DAPP1: variants seen among roughly 807,000 people sequenced by gnomAD.
DAPP1 encodes the protein dual adaptor of phosphotyrosine and 3-phosphoinositides 1, also known as dual adapter for phosphotyrosine and 3-phosphotyrosine and 3-phosphoinositide.
In DAPP1, 20 loss-of-function variants were observed where a neutral mutation model predicts 41.5. That is an observed-to-expected ratio of 0.48 (90% CI 0.34 to 0.70). The LOEUF (loss-of-function observed/expected upper bound fraction) is 0.70, where lower values mean the gene tolerates loss of function less well. DAPP1 is among the 30% of genes least tolerant of loss of function. The pLI is 0.01. For synonymous variants in DAPP1, 113 were observed against 116.2 expected, an observed-to-expected ratio of 0.97 and a Z score of 0.18; for missense variants, 233 against 333.4, an observed-to-expected ratio of 0.70 and a Z score of 2.35.
intron 4 of DAPP1, among the ~76,000 whole-genome samples, chr4:99,853,564 G>C (rs1723943156): frequency 6.6e-6 from 1 of 152,222 alleles, no homozygotes; most frequent in Non-Finnish European, 1.5e-5. Flanking sequence ...GTTCATGCCT[G>C]TAATCCCAAC....
chr4:99,858,108 C>T (rs1396268957), intron 4 of DAPP1, among the ~76,000 whole-genome samples: 1 of 152,154 alleles, frequency 6.6e-6, no homozygotes, highest in South Asian at 2.1e-4. Context: ...AGAAAATTAA[C>T]ATTGAGGCTG....
chr4:99,845,362 C>T lies in DAPP1; in HGVS notation c.358+4940C>T, dbSNP rs1404227746. On this transcript the variant is annotated intron_variant, in intron 3 of 8. Transcript: ENST00000512369. Reference sequence around the variant, plus strand: ...GGCCTTAAATGGATTTGGAAGAACTCAGAGCTGAGATTGGAATCTGGGCTA... The same window carrying T: ...GGCCTTAAATGGATTTGGAAGAACTTAGAGCTGAGATTGGAATCTGGGCTA... 2.0e-5 allele frequency among the ~76,000 whole-genome samples: 3 copies of T among 152,310 alleles called. No individual in the cohort carries two copies. In the East Asian group the frequency reaches 5.8e-4, roughly 29 times the overall value.
At chr4:99,841,516 T>C (rs768976705) in intron 3 of DAPP1, among the ~76,000 whole-genome samples, 2 of 152,224 alleles carry the variant, frequency 1.3e-5, no homozygotes, top group Non-Finnish European at 2.9e-5. Flanking sequence ...CCCTGAAAAT[T>C]ACTTCACCAT....
intron 1 of DAPP1, among the ~76,000 whole-genome samples, chr4:99,826,190 A>T (rs1722931066): frequency 6.6e-6 from 1 of 152,214 alleles, no homozygotes; most frequent in South Asian, 2.1e-4. Flanking sequence ...AAGACACATC[A>T]ATTAGCTGTG....
At chr4:99,825,306 G>A (rs369559787) in intron 1 of DAPP1, among the ~76,000 whole-genome samples, 2 of 152,120 alleles carry the variant, frequency 1.3e-5, no homozygotes, top group East Asian at 3.9e-4. Flanking sequence ...CTCCATGTCT[G>A]TCTGTCTCTG....
intron 7 of DAPP1, 195 bp downstream of exon 7, chr4:99,864,050 G>C (rs1366343674): frequency 4.2e-6 from 2 of 473,988 alleles, no homozygotes; most frequent in East Asian, 3.8e-5. Context: ...AGGCAGGTCA[G>C]CTCAGCTTAT....
At chr4:99,850,579 C>T (rs1723819911) in intron 3 of DAPP1, among the ~76,000 whole-genome samples, 1 of 152,098 alleles carries the variant, frequency 6.6e-6, no homozygotes, top group South Asian at 2.1e-4. Flanking sequence ...TATAAGAGTT[C>T]AAAATGTATC....
chr4:99,853,884 A>G (rs985010520), intron 4 of DAPP1, among the ~76,000 whole-genome samples: 30 of 150,970 alleles, frequency 2.0e-4, no homozygotes, highest in Non-Finnish European at 3.3e-4. Context: ...TGGAACTTAA[A>G]TCTCTGTCCT....
intron 1 of DAPP1, among the ~76,000 whole-genome samples, chr4:99,827,112 C>T (rs749254412): frequency 1.3e-5 from 2 of 152,152 alleles, no homozygotes; most frequent in Non-Finnish European, 1.5e-5. Context: ...CTCTAAAGTG[C>T]ATAACAATCA....
At chr4:99,828,623 A>T (rs1308278871) in intron 1 of DAPP1, among the ~76,000 whole-genome samples, 1 of 152,200 alleles carries the variant, frequency 6.6e-6, no homozygotes, top group Non-Finnish European at 1.5e-5. Flanking sequence ...AAAGGAAAGG[A>T]AGCTGAACCG....
chr4:99,863,109 C>T, intron 6 of DAPP1, 37 bp downstream of exon 6: 1 of 1,382,980 alleles, frequency 7.2e-7, no homozygotes, highest in Non-Finnish European at 9.8e-7. Context: ...CTTTAAAAAT[C>T]AATTCTCTAG....
At chr4:99,835,138 A>G (rs1723252686) in intron 1 of DAPP1, among the ~76,000 whole-genome samples, 2 of 151,826 alleles carry the variant, frequency 1.3e-5, no homozygotes, top group South Asian at 4.2e-4. Context: ...CCTCCCGAGT[A>G]GCTGGGATTA....
chr4:99,858,910 G>C (rs1276168927), intron 4 of DAPP1, among the ~76,000 whole-genome samples: 1 of 149,868 alleles, frequency 6.7e-6, no homozygotes, highest in Admixed American at 6.6e-5. Flanking sequence ...TTTTTTTTTG[G>C]AGACAGTGTG....
intron 2 of DAPP1, among the ~76,000 whole-genome samples, chr4:99,837,160 T>A (rs1341004372): frequency 6.6e-6 from 1 of 152,246 alleles, no homozygotes; most frequent in African/African-American, 2.4e-5. Flanking sequence ...ACAGGGCTCA[T>A]GTGATTAGTT....
intron 5 of DAPP1, 61 bp downstream of exon 5, chr4:99,861,686 T>G (rs200856762): frequency 1.3e-6 from 2 of 1,503,580 alleles, no homozygotes; most frequent in Admixed American, 4.0e-5. Flanking sequence ...TCATGTAGAC[T>G]CAATTCTCAT....
intron 1 of DAPP1, among the ~76,000 whole-genome samples, chr4:99,818,290 G>T (rs1265256928): frequency 4.6e-5 from 7 of 152,184 alleles, no homozygotes; most frequent in Admixed American, 4.6e-4. Context: ...AGGCCCTTCT[G>T]TGAGCATCCA....
At chr4:99,863,717 T>TG (rs1246731348) in intron 6 of DAPP1, 53 bp from the exon 7 acceptor site, 3 of 1,089,478 alleles carry the variant, frequency 2.8e-6, no homozygotes, top group East Asian at 2.6e-5. Context: ...CAGATTTGTC[T>TG]GTTTTTTTTT....
intron 1 of DAPP1, among the ~76,000 whole-genome samples, chr4:99,817,439 C>T (rs1366590589): frequency 6.6e-6 from 1 of 152,110 alleles, no homozygotes; most frequent in Non-Finnish European, 1.5e-5. Context: ...GAAAGCTTAC[C>T]CTACTGTAAG....
At chr4:99,839,939 A>G (rs1330466750) in intron 2 of DAPP1, among the ~76,000 whole-genome samples, 1 of 152,202 alleles carries the variant, frequency 6.6e-6, no homozygotes, top group Non-Finnish European at 1.5e-5. Flanking sequence ...GCAGACACCT[A>G]TAATCCCAGA....
Sources: allele counts gnomAD v4.1 joint callset (sites outside exome capture counted in the v4.1 genomes callset), GRCh38; gene constraint gnomAD v4.1.1; transcripts MANE v1.5; gene names NCBI Gene and HGNC (gene_info 2026-07-23, HGNC 2026-07-21).